COLEC10: variants seen among roughly 807,000 people sequenced by gnomAD.
COLEC10 encodes collectin-10.
In COLEC10, 22 loss-of-function variants were observed where a neutral mutation model predicts 28.4. That is an observed-to-expected ratio of 0.78 (90% CI 0.55 to 1.11). COLEC10 has a LOEUF of 1.11. COLEC10 is among the 50% of genes least tolerant of loss of function. COLEC10 has a pLI of 0.00. For synonymous variants in COLEC10, 125 were observed against 116.1 expected (o/e 1.08, Z -0.49); for missense variants, 361 against 344.1 (o/e 1.05, Z -0.39).
At chr8:119,017,336 A>G (rs1214664376) in intron 2 of COLEC10, among the ~76,000 whole-genome samples, 1 of 152,162 alleles carries the variant, frequency 6.6e-6, no homozygotes, top group African/African-American at 2.4e-5. Context: ...CAAGAAAATG[A>G]TACCCTTTGG....
chr8:119,012,428 T>A (rs1333998263), intron 2 of COLEC10, among the ~76,000 whole-genome samples: 1 of 150,740 alleles, frequency 6.6e-6, no homozygotes, highest in Non-Finnish European at 1.5e-5. Context: ...TCTGTAGTTT[T>A]TTTTCTTGTA....
intron 2 of COLEC10, among the ~76,000 whole-genome samples, chr8:119,056,350 C>T (rs951700693): frequency 5.3e-5 from 8 of 152,078 alleles, no homozygotes; most frequent in Admixed American, 2.6e-4. Context: ...TTCTGGACAA[C>T]GAGATGAAAG....
the COLEC10 span, among the ~76,000 whole-genome samples, chr8:118,965,986 G>C: frequency 6.6e-6 from 1 of 152,062 alleles, no homozygotes; most frequent in Admixed American, 6.6e-5. Context: ...TTAACATCAA[G>C]AGAGGTAGTG....
intron 1 of COLEC10, among the ~76,000 whole-genome samples, chr8:119,069,605 C>CAAAA (rs138362458): frequency 0.025 from 213 of 8,690 alleles, 36 homozygotes; most frequent in Non-Finnish European, 0.033. Flanking sequence ...GACCCCATCT[C>CAAAA]AAAAAAAAAA....
chr8:118,963,016 G>A, the COLEC10 span, among the ~76,000 whole-genome samples: 1 of 152,160 alleles, frequency 6.6e-6, no homozygotes, highest in South Asian at 2.1e-4. Flanking sequence ...ACAGATTAGT[G>A]ACAAGTTGAA....
Position 119,089,683 on chromosome 8 carries a change from A to G in COLEC10, c.152A>G (p.Asp51Gly). 5 of 1,612,770 alleles carry G rather than the reference A, an allele frequency of 3.1e-6. No homozygotes were observed. The highest frequency in any genetic ancestry group is 4.2e-6 in the Non-Finnish European group (5 of 1,179,022). Residue 51 changes from aspartate (D) to glycine (G), a missense_variant, in exon 2 of 6, where the codon GAT becomes GGT. By Grantham distance (94) the Asp-to-Gly change is moderately conservative (BLOSUM62 -1). Transcript: ENST00000332843. ...ATCTCATTTTCTGTTTCAAAAGGAG[A>G]TGATGGTGAAAAAGGAGATCCAGGA... Reference protein sequence around the residue: ...THTISPGPKGDDGEKGDPGEE... With the variant: ...THTISPGPKGGDGEKGDPGEE...
the COLEC10 span, among the ~76,000 whole-genome samples, chr8:118,962,707 T>G: frequency 6.6e-6 from 1 of 152,218 alleles, no homozygotes; most frequent in East Asian, 1.9e-4. Context: ...TACAGTAAAT[T>G]TCTAGAATTT....
intron 1 of COLEC10, among the ~76,000 whole-genome samples, chr8:119,069,632 A>ATATATATATATATATG (rs1815060053): frequency 2.0e-5 from 1 of 50,722 alleles, no homozygotes; most frequent in Non-Finnish European, 3.4e-5. Context: ...AAAAAAAAAT[A>ATATATATATATATATG]TATATATATA....
At chr8:119,094,025 G>C (rs1013809338) in intron 3 of COLEC10, among the ~76,000 whole-genome samples, 3 of 152,154 alleles carry the variant, frequency 2.0e-5, no homozygotes, top group African/African-American at 7.2e-5. Flanking sequence ...TATGTAATTT[G>C]ATGTGACTTC....
intron 3 of COLEC10, among the ~76,000 whole-genome samples, chr8:119,093,727 A>G (rs1815657096): frequency 2.6e-5 from 4 of 152,130 alleles, no homozygotes. Context: ...TTCCCCATGA[A>G]TTTTTAATAC....
chr8:119,047,254 A>G (rs532095157), intron 2 of COLEC10, among the ~76,000 whole-genome samples: 1 of 152,280 alleles, frequency 6.6e-6, no homozygotes, highest in East Asian at 1.9e-4. Flanking sequence ...CTTTGGTGAA[A>G]CTGGTTTACC....
intron 1 of COLEC10, among the ~76,000 whole-genome samples, chr8:119,085,908 A>G (rs1815472162): frequency 6.6e-6 from 1 of 151,996 alleles, no homozygotes. Context: ...GTCATCCACC[A>G]TGCCCAGTCT....
chr8:119,048,121 T>C (rs923639413), intron 2 of COLEC10, among the ~76,000 whole-genome samples: 57 of 152,174 alleles, frequency 3.7e-4, no homozygotes, highest in Admixed American at 3.3e-3. Flanking sequence ...AATAGGTAAT[T>C]TTTCAATCCA....
chr8:119,024,880 A>G (rs1030801959), intron 2 of COLEC10, among the ~76,000 whole-genome samples: 6 of 152,298 alleles, frequency 3.9e-5, no homozygotes, highest in Non-Finnish European at 7.4e-5. Context: ...GGCAATTGAA[A>G]GGGGATTTAG....
intron 2 of COLEC10, among the ~76,000 whole-genome samples, chr8:119,011,213 G>T (rs1248155158): frequency 6.6e-6 from 1 of 151,010 alleles, no homozygotes; most frequent in African/African-American, 2.5e-5. Context: ...ATGTCCAGTT[G>T]TTCCAGCACT....
intron 2 of COLEC10, among the ~76,000 whole-genome samples, chr8:119,042,297 C>G (rs535328959): frequency 6.6e-6 from 1 of 151,992 alleles, no homozygotes; most frequent in Admixed American, 6.6e-5. Flanking sequence ...TGCACCCAGC[C>G]GAAGCAATTG....
chr8:118,997,673 A>G (rs763443815), intron 1 of COLEC10, among the ~76,000 whole-genome samples: 2 of 152,202 alleles, frequency 1.3e-5, no homozygotes, highest in Non-Finnish European at 2.9e-5. Flanking sequence ...ACTGCCTTAT[A>G]AAGAAATCTC....
chr8:119,021,781 A>G (rs75440225), intron 2 of COLEC10, among the ~76,000 whole-genome samples: 2 of 152,140 alleles, frequency 1.3e-5, no homozygotes, highest in South Asian at 2.1e-4. Context: ...TCTGAAACCA[A>G]TTTTGAGCTT....
At chr8:118,967,470 A>G in the COLEC10 span, among the ~76,000 whole-genome samples, 1 of 152,062 alleles carries the variant, frequency 6.6e-6, no homozygotes, top group Non-Finnish European at 1.5e-5. Context: ...ATCAAAGTAA[A>G]CTTGTAGCTG....
Sources: allele counts gnomAD v4.1 joint callset (sites outside exome capture counted in the v4.1 genomes callset), GRCh38; gene constraint gnomAD v4.1.1; transcripts MANE v1.5; gene names NCBI Gene and HGNC (gene_info 2026-07-23, HGNC 2026-07-21).